RAB3C: variants seen among roughly 807,000 people sequenced by gnomAD.
RAB3C encodes ras-related protein Rab-3C.
RAB3C carries 17 observed loss-of-function variants against 26.4 expected under a neutral mutation model. That is an observed-to-expected ratio of 0.64 (90% confidence interval 0.44 to 0.97). RAB3C has a LOEUF of 0.97. Ranked by LOEUF, RAB3C falls within the 50% of genes least tolerant of loss-of-function variation. The pLI is 0.00. For synonymous variants in RAB3C, 91 were observed against 95.9 expected, an observed-to-expected ratio of 0.95 and a Z score of 0.30; for missense variants, 242 against 281.9, an observed-to-expected ratio of 0.86 and a Z score of 1.01.
intron 3 of RAB3C, among the ~76,000 whole-genome samples, chr5:58,758,347 A>G (rs546926444): frequency 1.3e-5 from 2 of 152,206 alleles, no homozygotes; most frequent in Non-Finnish European, 2.9e-5. Flanking sequence ...TATTTAGTGA[A>G]TATTTATTGA....
intron 3 of RAB3C, among the ~76,000 whole-genome samples, chr5:58,811,393 T>C (rs1743087022): frequency 6.6e-6 from 1 of 151,954 alleles, no homozygotes; most frequent in African/African-American, 2.4e-5. Context: ...GTGTGTAAGA[T>C]AGAGAGAGGA....
intron 1 of RAB3C, among the ~76,000 whole-genome samples, chr5:58,600,507 G>T (rs1016156243): frequency 6.6e-6 from 1 of 152,018 alleles, no homozygotes; most frequent in Non-Finnish European, 1.5e-5. Context: ...TGTCATCTAT[G>T]ATTTCTTTCA....
At chr5:58,649,768 T>C (rs1386927995) in intron 2 of RAB3C, among the ~76,000 whole-genome samples, 3 of 152,170 alleles carry the variant, frequency 2.0e-5, no homozygotes, top group East Asian at 3.9e-4. Flanking sequence ...GAAATCTGGG[T>C]GACCAATATT....
rs563450405 is a variant in RAB3C at position 58,697,191 on chromosome 5, A to G, written c.253-28811A>G. Reference sequence around the variant, plus strand: ...TCATTTCGTTATTTACCCAGTAGTCATTCAGGAGCAGGTTGTTCCGTTTCC... The same window carrying G: ...TCATTTCGTTATTTACCCAGTAGTCGTTCAGGAGCAGGTTGTTCCGTTTCC... On this transcript the variant is annotated intron_variant, in intron 2 of 4. Coordinates refer to ENST00000282878, the MANE Select transcript of RAB3C (RefSeq NM_138453.4). Among the ~76,000 whole-genome samples the G allele has an allele frequency of 2.6e-5, 4 of 152,160 alleles. No homozygotes were observed. The East Asian group carries it at 7.7e-4, about 29-fold the overall frequency.
At chr5:58,695,766 T>C (rs1294767002) in intron 2 of RAB3C, among the ~76,000 whole-genome samples, 1 of 152,204 alleles carries the variant, frequency 6.6e-6, no homozygotes. Flanking sequence ...TTTTTGCACA[T>C]TGATTTTGTA....
At chr5:58,830,526 G>A (rs1363424257) in intron 4 of RAB3C, among the ~76,000 whole-genome samples, 1 of 152,172 alleles carries the variant, frequency 6.6e-6, no homozygotes, top group African/African-American at 2.4e-5. Context: ...CAGAAAAGTG[G>A]ATTTTAAGAA....
intron 2 of RAB3C, among the ~76,000 whole-genome samples, chr5:58,711,744 T>C (rs1170446306): frequency 1.3e-5 from 2 of 152,168 alleles, no homozygotes; most frequent in Non-Finnish European, 1.5e-5. Context: ...TGATACCATG[T>C]CAAATATTAC....
chr5:58,658,784 A>G (rs1171291771), intron 2 of RAB3C, among the ~76,000 whole-genome samples: 2 of 152,110 alleles, frequency 1.3e-5, no homozygotes, highest in Non-Finnish European at 2.9e-5. Flanking sequence ...CAATAAGGCA[A>G]TGGGGTTACT....
chr5:58,670,009 C>A (rs900380761), intron 2 of RAB3C, among the ~76,000 whole-genome samples: 2 of 152,196 alleles, frequency 1.3e-5, no homozygotes. Flanking sequence ...TCACCATCTG[C>A]ATGAATATTT....
intron 3 of RAB3C, among the ~76,000 whole-genome samples, chr5:58,792,598 G>C (rs1408705444): frequency 1.3e-5 from 2 of 152,086 alleles, no homozygotes; most frequent in East Asian, 1.9e-4. Context: ...TGGTGAGGGA[G>C]GGGGGAGATG....
rs116030674 is a variant in RAB3C at position 58,586,065 on chromosome 5, T to A, written c.24+2833T>A. Among the ~76,000 whole-genome samples, 191 of 152,152 alleles carry A rather than the reference T, an allele frequency of 1.3e-3. 2 individuals carry two copies. The highest frequency in any genetic ancestry group is 4.5e-3 in the African/African-American group (187 of 41,556). ...AGGAGCCACATTGAACAAATTCTAG[T>A]TTATCTAGTGCTTTACCTGTGCTGA... On this transcript the variant is annotated intron_variant, in intron 1 of 4. Coordinates refer to ENST00000282878, the MANE Select transcript of RAB3C (RefSeq NM_138453.4).
intron 2 of RAB3C, among the ~76,000 whole-genome samples, chr5:58,641,371 TA>T (rs1325831710): frequency 1.3e-5 from 2 of 152,214 alleles, no homozygotes; most frequent in African/African-American, 4.8e-5. Flanking sequence ...GCCACCATGG[TA>T]GCTCCGCCAG....
intron 2 of RAB3C, among the ~76,000 whole-genome samples, chr5:58,692,235 T>C (rs1410419783): frequency 6.6e-6 from 1 of 152,218 alleles, no homozygotes; most frequent in Non-Finnish European, 1.5e-5. Context: ...AAAGTTTAGC[T>C]AATGGAATAT....
At chr5:58,619,237 G>T (rs1746884713) in intron 2 of RAB3C, among the ~76,000 whole-genome samples, 1 of 152,012 alleles carries the variant, frequency 6.6e-6, no homozygotes, top group South Asian at 2.1e-4. Flanking sequence ...CCTTAGGCTG[G>T]GCATATTCCC....
chr5:58,649,307 T>C (rs1306222346), intron 2 of RAB3C, among the ~76,000 whole-genome samples: 1 of 152,056 alleles, frequency 6.6e-6, no homozygotes, highest in Admixed American at 6.6e-5. Flanking sequence ...TCAGTACTGA[T>C]TATTAAATAT....
chr5:58,774,680 G>T (rs1392165690), intron 3 of RAB3C, among the ~76,000 whole-genome samples: 1 of 152,114 alleles, frequency 6.6e-6, no homozygotes, highest in Non-Finnish European at 1.5e-5. Context: ...AGGGAGTAGG[G>T]ATGCTACTTT....
chr5:58,826,751 A>T (rs1743490878), intron 4 of RAB3C, among the ~76,000 whole-genome samples: 1 of 152,176 alleles, frequency 6.6e-6, no homozygotes, highest in Non-Finnish European at 1.5e-5. Flanking sequence ...TGATCCCCAG[A>T]AGCAGTAATG....
chr5:58,794,616 T>A (rs1742602469), intron 3 of RAB3C: 1 of 152,200 alleles, frequency 6.6e-6, no homozygotes, highest in Admixed American at 6.5e-5. Flanking sequence ...CATGTAAGAA[T>A]CACTGTTTTT....
chr5:58,697,800 T>A (rs939132405), intron 2 of RAB3C, among the ~76,000 whole-genome samples: 2 of 152,164 alleles, frequency 1.3e-5, no homozygotes, highest in African/African-American at 2.4e-5. Flanking sequence ...ATCCCTTTAT[T>A]TTGAGCCTAT....
Sources: gnomAD v4.1 joint callset for allele counts (sites outside exome capture counted in the v4.1 genomes callset) on GRCh38, gnomAD v4.1.1 for gene constraint, MANE v1.5 for transcripts, NCBI Gene and HGNC (gene_info 2026-07-23, HGNC 2026-07-21) for gene names.